The following NR6A1 variants were observed in gnomAD, a reference collection of about 807,000 sequenced individuals.
NR6A1 encodes the protein retinoic acid receptor-related testis-associated receptor.
In NR6A1, 7 loss-of-function variants were observed where a neutral mutation model predicts 59.1. That is an observed-to-expected ratio of 0.12 (90% CI 0.07 to 0.22). The LOEUF is 0.22. Ranked by LOEUF, NR6A1 falls within the 10% of genes least tolerant of loss-of-function variation. NR6A1 has a pLI of 1.00. For missense variants in NR6A1, 468 were observed against 611.6 expected, an observed-to-expected ratio of 0.77 and a Z score of 2.48; for synonymous variants, 243 against 236.1, an observed-to-expected ratio of 1.03 and a Z score of -0.27.
Position 124,630,210 on chromosome 9 carries a change from GTTTTTTTTTTT to G in NR6A1, c.143-75651_143-75641del, listed in dbSNP as rs71372979. ...TCTGAACTCCAGTTCCTCCAAATCAGTTTTTTTTTTTTTTTTTTTTTTGAGACGGAGTTTTG... is the reference window on the plus strand; with the variant it reads ...TCTGAACTCCAGTTCCTCCAAATCAGTTTTTTTTTTTGAGACGGAGTTTTG... On this transcript the variant is annotated intron_variant, in intron 2 of 9. Transcript: ENST00000487099. 1.7e-3 allele frequency among the ~76,000 whole-genome samples: 159 copies of G among 95,362 alleles called. 3 individuals are homozygous for G. Among genetic ancestry groups the G allele is most frequent in the Middle Eastern group, 0.013 (2 of 154 alleles). 62.6% of individuals were successfully genotyped at this position (95,362 alleles called of 152,430 possible). A position where few individuals can be genotyped will look rare whatever the true frequency, so the allele number is the denominator to read the frequency against.
chr9:124,733,134 G>A (rs1408780380), intron 2 of NR6A1, among the ~76,000 whole-genome samples, 174 bp downstream of exon 2: 1 of 152,192 alleles, frequency 6.6e-6, no homozygotes, highest in African/African-American at 2.4e-5. Flanking sequence ...AATATCAGAA[G>A]AAAGCATAAC....
At chr9:124,622,740 A>T (rs914417834) in intron 2 of NR6A1, among the ~76,000 whole-genome samples, 2 of 152,070 alleles carry the variant, frequency 1.3e-5, no homozygotes. Context: ...TAGAGCAACA[A>T]AAACACTGGA....
chr9:124,568,183 A>AAAG (rs1403261218), intron 2 of NR6A1, among the ~76,000 whole-genome samples: 2 of 147,164 alleles, frequency 1.4e-5, no homozygotes, highest in African/African-American at 5.0e-5. Flanking sequence ...AAAAAAAAAA[A>AAAG]AAAAAAAAAA....
chr9:124,707,520 T>G (rs1043284267), intron 2 of NR6A1, among the ~76,000 whole-genome samples: 4 of 152,122 alleles, frequency 2.6e-5, no homozygotes, highest in African/African-American at 9.7e-5. Context: ...CTACTGTTTT[T>G]TTTTTTTTCT....
chr9:124,581,967 T>G (rs1366083341), intron 2 of NR6A1, among the ~76,000 whole-genome samples: 1 of 152,212 alleles, frequency 6.6e-6, no homozygotes, highest in Admixed American at 6.5e-5. Context: ...GCTTTTATAC[T>G]TTTGGTGAGA....
In NR6A1 at chr9:124,724,298, G is replaced by GA. The variant is rs138214496; in HGVS notation, c.142+9009dup. 1.3e-3 allele frequency among the ~76,000 whole-genome samples: 194 copies of GA among 152,100 alleles called. 1 individual carries two copies. Among genetic ancestry groups the GA allele is most frequent in the African/African-American group, 4.5e-3 (185 of 41,482 alleles). ...GTTATTTCTAGGTGGTGGGATTAGA[G>GA]ATGCTTCTATTTTCTTTTAGTGTTT... On this transcript the variant is annotated intron_variant, in intron 2 of 9. Coordinates refer to ENST00000487099, the MANE Select transcript of NR6A1 (RefSeq NM_033334.4).
chr9:124,538,343 A>T (rs777727733), intron 5 of NR6A1, 24 bp from the exon 6 acceptor site: 2 of 1,582,700 alleles, frequency 1.3e-6, no homozygotes, highest in East Asian at 4.5e-5. Flanking sequence ...TCTTGCGTCA[A>T]ACAGAGCCAT....
At chr9:124,684,769 C>T (rs1026240245) in intron 2 of NR6A1, among the ~76,000 whole-genome samples, 1 of 152,148 alleles carries the variant, frequency 6.6e-6, no homozygotes, top group African/African-American at 2.4e-5. Flanking sequence ...GATCACTTTA[C>T]AGCTATTTCT....
chr9:124,566,725 T>C (rs1259809282), intron 2 of NR6A1, among the ~76,000 whole-genome samples: 2 of 152,156 alleles, frequency 1.3e-5, no homozygotes, highest in African/African-American at 2.4e-5. Context: ...CTCAAGGTTC[T>C]AAACCACGTG....
At chr9:124,586,254 A>ACAT (rs1303007937) in intron 2 of NR6A1, among the ~76,000 whole-genome samples, 1 of 152,200 alleles carries the variant, frequency 6.6e-6, no homozygotes, top group Non-Finnish European at 1.5e-5. Context: ...GCCATTAAGG[A>ACAT]CATTTATGAC....
intron 2 of NR6A1, among the ~76,000 whole-genome samples, chr9:124,691,411 C>T (rs945864049): frequency 1.2e-4 from 19 of 152,154 alleles, no homozygotes; most frequent in Admixed American, 1.2e-3. Flanking sequence ...TAATAACTAT[C>T]CCCATTTAGA....
chr9:124,569,217 C>T (rs531060243), intron 2 of NR6A1, among the ~76,000 whole-genome samples: 226 of 152,290 alleles, frequency 1.5e-3, no homozygotes, highest in African/African-American at 5.2e-3. Flanking sequence ...CAGAGAACTA[C>T]GTGCAATCTA....
chr9:124,723,291 A>G (rs1435513938), intron 2 of NR6A1, among the ~76,000 whole-genome samples: 1 of 152,204 alleles, frequency 6.6e-6, no homozygotes, highest in Non-Finnish European at 1.5e-5. Flanking sequence ...TATCTGTTTT[A>G]AATAAGCAGA....
chr9:124,630,955 G>A (rs1020889307), intron 2 of NR6A1, among the ~76,000 whole-genome samples: 6 of 152,144 alleles, frequency 3.9e-5, no homozygotes, highest in Admixed American at 1.3e-4. Context: ...TTACAGGCGT[G>A]AGCCACTATG....
chr9:124,719,188 C>T (rs1194550733), intron 2 of NR6A1, among the ~76,000 whole-genome samples: 1 of 151,850 alleles, frequency 6.6e-6, no homozygotes, highest in Non-Finnish European at 1.5e-5. Flanking sequence ...TAGCCTCGAC[C>T]TCCCAGGACC....
intron 1 of NR6A1, among the ~76,000 whole-genome samples, chr9:124,735,019 A>C (rs1479050351): frequency 6.6e-6 from 1 of 152,050 alleles, no homozygotes; most frequent in Non-Finnish European, 1.5e-5. Context: ...TAATTTTTGT[A>C]TTTCTAGTAG....
chr9:124,604,935 A>G (rs967249840), intron 2 of NR6A1, among the ~76,000 whole-genome samples: 4 of 152,252 alleles, frequency 2.6e-5, no homozygotes, highest in Middle Eastern at 3.2e-3. Flanking sequence ...TTCTTTATAG[A>G]AGCATTCCAG....
chr9:124,737,891 C>T (rs988406516), intron 1 of NR6A1, among the ~76,000 whole-genome samples: 5 of 151,812 alleles, frequency 3.3e-5, no homozygotes, highest in African/African-American at 7.3e-5. Flanking sequence ...AGGCTGGGCG[C>T]GGTGGATCAC....
chr9:124,604,958 CAAGA>C (rs1835539878), intron 2 of NR6A1, among the ~76,000 whole-genome samples: 1 of 151,812 alleles, frequency 6.6e-6, no homozygotes. Context: ...GATAAACAAA[CAAGA>C]AATACTGGAA....
Sources: allele counts gnomAD v4.1 joint callset (sites outside exome capture counted in the v4.1 genomes callset), GRCh38; gene constraint gnomAD v4.1.1; transcripts MANE v1.5; gene names NCBI Gene and HGNC (gene_info 2026-07-23, HGNC 2026-07-21).